TRAPPC9: variants seen among roughly 807,000 people sequenced by gnomAD.
The protein encoded by TRAPPC9 is trafficking protein particle complex subunit 9, also known as IKK2 binding protein.
Under a neutral mutation model 124.0 loss-of-function variants are expected in TRAPPC9, and 83 were observed. The observed-to-expected ratio is 0.67, with a 90% confidence interval of 0.56 to 0.80. The LOEUF is 0.80. Ranked by LOEUF, TRAPPC9 falls within the 30% of genes least tolerant of loss-of-function variation. TRAPPC9 has a pLI of 0.00. For missense variants in TRAPPC9, 1,302 were observed against 1,508.3 expected (o/e 0.86, Z 2.27); for synonymous variants, 638 against 617.5 (o/e 1.03, Z -0.49).
intron 21 of TRAPPC9, among the ~76,000 whole-genome samples, chr8:139,766,604 G>A (rs777450289): frequency 1.3e-5 from 2 of 152,160 alleles, no homozygotes; most frequent in Non-Finnish European, 2.9e-5. Context: ...GTGCACACGC[G>A]GCCCCAGGTG....
rs113061978 is a variant in TRAPPC9, at chr8:140,104,153, G to A, written c.2557-80074C>T. Among the ~76,000 whole-genome samples, 7 of 152,282 alleles carry A rather than the reference G, an allele frequency of 4.6e-5. No homozygotes were observed. Among genetic ancestry groups the A allele is most frequent in the African/African-American group, 1.4e-4 (6 of 41,540 alleles). Reference sequence around the variant, plus strand: ...ATGCAGGGATGAAACTGTCTCCTGGGAGGGCAGATCTGTAAACAAAGAATG... The same window carrying A: ...ATGCAGGGATGAAACTGTCTCCTGGAAGGGCAGATCTGTAAACAAAGAATG... On this transcript the variant is annotated intron_variant, in intron 17 of 22. Transcript: ENST00000438773. The surrounding 1 kb of genome is among the most constrained non-coding windows in gnomAD (Gnocchi z 4.0).
intron 19 of TRAPPC9, among the ~76,000 whole-genome samples, chr8:139,973,275 G>A (rs75030919): frequency 0.033 from 5,073 of 152,270 alleles, 293 homozygotes; most frequent in African/African-American, 0.11. Context: ...GCCCCGCACC[G>A]TATCACCCCA....
At chr8:140,121,535 T>C (rs928033725) in intron 17 of TRAPPC9, among the ~76,000 whole-genome samples, 1 of 152,210 alleles carries the variant, frequency 6.6e-6, no homozygotes, top group Non-Finnish European at 1.5e-5. Context: ...TGCAGGCCTG[T>C]GGCAGGGCCC....
intron 17 of TRAPPC9, among the ~76,000 whole-genome samples, chr8:140,140,883 A>C (rs944328987): frequency 3.9e-5 from 6 of 152,168 alleles, no homozygotes; most frequent in African/African-American, 1.4e-4. Context: ...CTGCACGGTC[A>C]GTTTTCCCCT....
intron 17 of TRAPPC9, among the ~76,000 whole-genome samples, chr8:140,088,817 C>T (rs1157504043): frequency 3.3e-5 from 5 of 152,094 alleles, no homozygotes; most frequent in Non-Finnish European, 5.9e-5. Flanking sequence ...CTCTGATATG[C>T]TAACGTAAAA....
chr8:140,199,118 C>T (rs2062729276), intron 17 of TRAPPC9, among the ~76,000 whole-genome samples: 2 of 152,168 alleles, frequency 1.3e-5, no homozygotes, highest in Non-Finnish European at 2.9e-5. Context: ...AGCTGTATGG[C>T]TCACAGCTTC....
chr8:140,245,943 C>T (rs2063975389), intron 16 of TRAPPC9, among the ~76,000 whole-genome samples: 1 of 152,192 alleles, frequency 6.6e-6, no homozygotes, highest in Non-Finnish European at 1.5e-5. Context: ...GAATTCTATC[C>T]TCCTTATCTC....
At chr8:140,313,348 C>T (rs1484250947) in intron 9 of TRAPPC9, among the ~76,000 whole-genome samples, 2 of 152,158 alleles carry the variant, frequency 1.3e-5, no homozygotes, top group Non-Finnish European at 2.9e-5. Context: ...ATTTGTGGTG[C>T]CTCATGCCAC....
At chr8:139,842,576 A>G (rs1306605314) in intron 21 of TRAPPC9, among the ~76,000 whole-genome samples, 1 of 150,134 alleles carries the variant, frequency 6.7e-6, no homozygotes, top group Non-Finnish European at 1.5e-5. Flanking sequence ...TTGAATCAAC[A>G]TCCGCTCTCG....
At chr8:139,889,507 G>C (rs775737720) in intron 20 of TRAPPC9, among the ~76,000 whole-genome samples, 1 of 152,206 alleles carries the variant, frequency 6.6e-6, no homozygotes, top group Non-Finnish European at 1.5e-5. Flanking sequence ...ATGGGAGGGA[G>C]TGTTTCATGG....
intron 6 of TRAPPC9, among the ~76,000 whole-genome samples, chr8:140,400,031 C>T (rs1282362356): frequency 1.3e-5 from 2 of 152,182 alleles, no homozygotes; most frequent in Non-Finnish European, 2.9e-5. Flanking sequence ...GAGTCCTCTC[C>T]TCATTCTCTC....
At chr8:140,301,889 C>T (rs1291155910) in intron 10 of TRAPPC9, among the ~76,000 whole-genome samples, 1 of 152,250 alleles carries the variant, frequency 6.6e-6, no homozygotes, top group Non-Finnish European at 1.5e-5. Context: ...CAGATGCGGC[C>T]TGGAGCACTC....
chr8:140,383,329 T>C (rs1012661743), intron 7 of TRAPPC9, among the ~76,000 whole-genome samples: 1 of 152,076 alleles, frequency 6.6e-6, no homozygotes, highest in African/African-American at 2.4e-5. Flanking sequence ...CTTTGATGAG[T>C]TGAGAGAAGA....
At chr8:140,225,091 A>G (rs1463548613) in intron 16 of TRAPPC9, among the ~76,000 whole-genome samples, 2 of 152,244 alleles carry the variant, frequency 1.3e-5, no homozygotes, top group East Asian at 3.8e-4. Context: ...AGGATTTATC[A>G]CAACGCCTGG....
intron 21 of TRAPPC9, among the ~76,000 whole-genome samples, chr8:139,824,058 T>C (rs966870920): frequency 1.6e-4 from 24 of 152,216 alleles, no homozygotes; most frequent in Non-Finnish European, 3.1e-4. Flanking sequence ...GTGTATCAGT[T>C]CACCCCATTT....
chr8:139,785,030 G>A (rs543098033), intron 21 of TRAPPC9, among the ~76,000 whole-genome samples: 74 of 152,238 alleles, frequency 4.9e-4, no homozygotes, highest in African/African-American at 1.6e-3. Context: ...AGGAGTTTTC[G>A]CACAACAGCA....
intron 9 of TRAPPC9, among the ~76,000 whole-genome samples, chr8:140,327,250 AAAGAC>A (rs897813213): frequency 1.3e-5 from 2 of 152,228 alleles, no homozygotes; most frequent in South Asian, 2.1e-4. Flanking sequence ...ATCTAAAAAA[AAAGAC>A]AAGACAAGAC....
At chr8:140,256,832 A>G (rs1588025501) in intron 15 of TRAPPC9, among the ~76,000 whole-genome samples, 1 of 152,220 alleles carries the variant, frequency 6.6e-6, no homozygotes, top group South Asian at 2.1e-4. Context: ...GGCTGCTGTG[A>G]GGGTTAGCGG....
chr8:140,033,979 G>A (rs1840720522), intron 17 of TRAPPC9, among the ~76,000 whole-genome samples: 2 of 152,150 alleles, frequency 1.3e-5, no homozygotes. Context: ...ACTGTGCCCA[G>A]CCCATTATGT....
Sources: allele counts gnomAD v4.1 joint callset (sites outside exome capture counted in the v4.1 genomes callset), GRCh38; gene constraint gnomAD v4.1.1; non-coding constraint Gnocchi (gnomAD v3.1); transcripts MANE v1.5; gene names NCBI Gene and HGNC (gene_info 2026-07-23, HGNC 2026-07-21).